The following GLI3 variants were observed in gnomAD, a reference collection of about 807,000 sequenced individuals.
The protein encoded by GLI3 is GLI family zinc finger 3, also known as transcription activator GLI3.
A neutral mutation model predicts 100.8 loss-of-function variants in GLI3; 20 were observed. The observed-to-expected ratio is 0.20, with a 90% CI of 0.14 to 0.29. GLI3 has a LOEUF of 0.29. GLI3 is among the 10% of genes least tolerant of loss of function. The pLI is 1.00. For synonymous variants in GLI3, 938 were observed against 860.5 expected (o/e 1.09, Z -1.58); for missense variants, 2,040 against 2,128.5 (o/e 0.96, Z 0.82).
Position 42,202,337 on chromosome 7 carries a change from C to CAG in GLI3, c.124+20792_124+20793insCT, listed in dbSNP as rs1788057814. The stretch of plus-strand genomic sequence containing the variant: ...AGAATCTGTCTCTCTCTCTCTCTCT[C>CAG]TCTCTCTCTCACACACACACACACA... On this transcript the variant is annotated intron_variant, in intron 2 of 14. Coordinates refer to ENST00000395925, the MANE Select transcript of GLI3 (RefSeq NM_000168.6). Among the ~76,000 whole-genome samples, 4 of 34,890 alleles carry CAG rather than the reference C, an allele frequency of 1.1e-4. No individual in the cohort carries two copies. The Admixed American group carries it at 2.1e-3, about 18-fold the overall frequency. The allele number at this position is 34,890 out of a possible 152,430, so 22.9% of individuals were successfully genotyped here.
intron 10 of GLI3, among the ~76,000 whole-genome samples, chr7:42,015,507 G>A (rs1477028084): frequency 6.6e-6 from 1 of 151,910 alleles, no homozygotes; most frequent in Non-Finnish European, 1.5e-5. Context: ...ACTGCTTTCT[G>A]TTCCCGGAGC....
chr7:42,070,003 G>A (rs1220824977), intron 4 of GLI3, among the ~76,000 whole-genome samples: 3 of 152,194 alleles, frequency 2.0e-5, no homozygotes, highest in South Asian at 2.1e-4. Context: ...AAGGCTCTAC[G>A]CAGATACACA....
chr7:42,077,163 A>G (rs1784897249), intron 3 of GLI3, among the ~76,000 whole-genome samples: 1 of 152,164 alleles, frequency 6.6e-6, no homozygotes, highest in African/African-American at 2.4e-5. Context: ...GGCTGACCAG[A>G]GGAGAAGGGC....
At chr7:42,057,628 T>G (rs1004350136) in intron 4 of GLI3, among the ~76,000 whole-genome samples, 2 of 152,108 alleles carry the variant, frequency 1.3e-5, no homozygotes, top group Non-Finnish European at 2.9e-5. Context: ...TAAACAGCTA[T>G]GAAAATGAAC....
At chr7:42,013,124 G>C (rs1225703780) in intron 10 of GLI3, among the ~76,000 whole-genome samples, 1 of 152,182 alleles carries the variant, frequency 6.6e-6, no homozygotes, top group Admixed American at 6.5e-5. Context: ...TTCCTGATTA[G>C]AAAGACATTT....
chr7:42,053,288 C>A (rs1784388938), intron 4 of GLI3, among the ~76,000 whole-genome samples: 1 of 152,188 alleles, frequency 6.6e-6, no homozygotes, highest in South Asian at 2.1e-4. Context: ...TGAGCCATGG[C>A]TCCCGGCCCA....
chr7:42,199,433 G>C (rs567909806), intron 2 of GLI3, among the ~76,000 whole-genome samples: 2 of 152,298 alleles, frequency 1.3e-5, no homozygotes, highest in African/African-American at 4.8e-5. Flanking sequence ...CCAGAGTACG[G>C]GCACACAAGC....
intron 10 of GLI3, among the ~76,000 whole-genome samples, chr7:42,002,657 T>G (rs1788337907): frequency 6.6e-6 from 1 of 152,218 alleles, no homozygotes; most frequent in Admixed American, 6.5e-5. Flanking sequence ...CAATAAAATA[T>G]TTAAATCTCT....
intron 4 of GLI3, among the ~76,000 whole-genome samples, chr7:42,058,080 AT>A (rs1433266720): frequency 6.6e-5 from 10 of 152,296 alleles, no homozygotes; most frequent in African/African-American, 1.9e-4. Context: ...AAAATAAAAA[AT>A]ATGTGATAAA....
intron 4 of GLI3, among the ~76,000 whole-genome samples, chr7:42,068,366 T>C (rs1784716660): frequency 6.6e-6 from 1 of 152,200 alleles, no homozygotes; most frequent in South Asian, 2.1e-4. Flanking sequence ...AAACTAAAAA[T>C]GGCCAAGATT....
intron 1 of GLI3, chr7:42,227,504 CA>C (rs1027703306): frequency 6.6e-6 from 1 of 152,090 alleles, no homozygotes; most frequent in African/African-American, 2.4e-5. Context: ...ACCCAGGGCA[CA>C]ATTAATTCCA....
intron 4 of GLI3, among the ~76,000 whole-genome samples, chr7:42,069,640 A>T (rs1000648599): frequency 6.6e-6 from 1 of 152,236 alleles, no homozygotes; most frequent in Admixed American, 6.5e-5. Context: ...TAAAAAAGAG[A>T]AAAATAAAGC....
chr7:42,263,473 G>T (rs971621174), intron 1 of GLI3, among the ~76,000 whole-genome samples: 11 of 151,698 alleles, frequency 7.3e-5, no homozygotes, highest in East Asian at 1.9e-4. Flanking sequence ...TGAAAAGGGG[G>T]TCTCACTCTG....
At chr7:42,177,831 T>C (rs528347446) in intron 2 of GLI3, among the ~76,000 whole-genome samples, 4 of 152,136 alleles carry the variant, frequency 2.6e-5, no homozygotes, top group African/African-American at 9.7e-5. Flanking sequence ...AGTAAGACAA[T>C]AGCAGAGGCT....
chr7:42,176,033 C>T (rs1787473502), intron 2 of GLI3, among the ~76,000 whole-genome samples: 1 of 152,134 alleles, frequency 6.6e-6, no homozygotes, highest in South Asian at 2.1e-4. Flanking sequence ...CCTACTGGCA[C>T]CAAGTCTGAA....
chr7:42,250,788 A>G (rs1789022763), intron 1 of GLI3, among the ~76,000 whole-genome samples: 1 of 152,210 alleles, frequency 6.6e-6, no homozygotes, highest in Admixed American at 6.5e-5. Flanking sequence ...ATTTTCCTTC[A>G]CATAAAGGCC....
Position 42,137,883 on chromosome 7 carries a change from T to G in GLI3, c.367+10343A>C, listed in dbSNP as rs532524812. ...GGAAAAGGTATATATAAAACATAAA[T>G]GAATTGTTTGTGTAGACTTGGATTT... On this transcript the variant is annotated intron_variant, in intron 3 of 14. Coordinates refer to ENST00000395925, the MANE Select transcript of GLI3 (RefSeq NM_000168.6). Among the ~76,000 whole-genome samples, 3 of 152,342 alleles carry G rather than the reference T, an allele frequency of 2.0e-5. No individual in the cohort carries two copies. The East Asian group carries it at 5.8e-4, about 29-fold the overall frequency.
At chr7:42,091,031 T>C (rs1421340089) in intron 3 of GLI3, among the ~76,000 whole-genome samples, 1 of 152,246 alleles carries the variant, frequency 6.6e-6, no homozygotes, top group African/African-American at 2.4e-5. Flanking sequence ...TACCCAGGCA[T>C]GGGGCCTGTG....
chr7:41,978,156 A>G (rs1008685990), intron 11 of GLI3, among the ~76,000 whole-genome samples: 2 of 152,268 alleles, frequency 1.3e-5, no homozygotes, highest in African/African-American at 2.4e-5. Context: ...TGGGCACCTC[A>G]GTGAAGAATG....
Sources: gnomAD v4.1 joint callset for allele counts (sites outside exome capture counted in the v4.1 genomes callset) on GRCh38, gnomAD v4.1.1 for gene constraint, MANE v1.5 for transcripts, NCBI Gene and HGNC (gene_info 2026-07-23, HGNC 2026-07-21) for gene names.